MAPRE2: variants seen among roughly 807,000 people sequenced by gnomAD.
The protein encoded by MAPRE2 is microtubule associated protein RP/EB family member 2.
MAPRE2 carries 13 observed loss-of-function variants against 43.2 expected under a neutral mutation model. The ratio of observed to expected loss-of-function variants is 0.30; its 90% confidence interval spans 0.20 to 0.48. MAPRE2 has a LOEUF of 0.48. Ranked by LOEUF, MAPRE2 falls within the 20% of genes least tolerant of loss-of-function variation. The pLI, the probability that MAPRE2 is intolerant of heterozygous loss-of-function variation, is 0.99. For synonymous variants in MAPRE2, 135 were observed against 148.8 expected (o/e 0.91, Z 0.68); for missense variants, 161 against 400.2 (o/e 0.40, Z 5.10).
chr18:34,990,982 T>TG (rs1268698869), intron 1 of MAPRE2, among the ~76,000 whole-genome samples: 2 of 152,154 alleles, frequency 1.3e-5, no homozygotes, highest in African/African-American at 2.4e-5. Context: ...GATAATCTGA[T>TG]GGGGGGAGGA....
chr18:34,996,379 G>T (rs544465134), intron 1 of MAPRE2, among the ~76,000 whole-genome samples: 2 of 152,104 alleles, frequency 1.3e-5, no homozygotes, highest in Non-Finnish European at 2.9e-5. Context: ...TCATGTGCAC[G>T]GTTCACAATA....
intron 1 of MAPRE2, among the ~76,000 whole-genome samples, chr18:35,061,829 A>G (rs1199808851): frequency 6.6e-6 from 1 of 152,124 alleles, no homozygotes; most frequent in Non-Finnish European, 1.5e-5. Flanking sequence ...CCCTCCTCAA[A>G]CAAATACTTT....
chr18:35,085,170 T>C (rs1907814978), intron 2 of MAPRE2, among the ~76,000 whole-genome samples: 1 of 152,238 alleles, frequency 6.6e-6, no homozygotes, highest in African/African-American at 2.4e-5. Context: ...TGTATTTCTG[T>C]AGGTAGAGAG....
At chr18:35,027,941 T>TA (rs2097046117) in intron 2 of MAPRE2, among the ~76,000 whole-genome samples, 1 of 152,198 alleles carries the variant, frequency 6.6e-6, no homozygotes, top group Non-Finnish European at 1.5e-5. Context: ...TGTCCCACCC[T>TA]CTGGGCCTCT....
chr18:35,109,673 A>G (rs1327706922), intron 4 of MAPRE2, among the ~76,000 whole-genome samples: 1 of 152,098 alleles, frequency 6.6e-6, no homozygotes, highest in Non-Finnish European at 1.5e-5. Flanking sequence ...GTTGCATGGC[A>G]TCATCTTTCT....
At chr18:35,062,413 A>T (rs990708061) in intron 1 of MAPRE2, among the ~76,000 whole-genome samples, 8 of 152,268 alleles carry the variant, frequency 5.3e-5, no homozygotes, top group African/African-American at 1.9e-4. Context: ...AATGTTTACA[A>T]AACGGCTATT....
At chr18:35,048,740 A>G (rs1905781561) in intron 1 of MAPRE2, among the ~76,000 whole-genome samples, 1 of 149,628 alleles carries the variant, frequency 6.7e-6, no homozygotes, top group Non-Finnish European at 1.5e-5. Context: ...TGTTAATACT[A>G]TAACACAATG....
chr18:35,001,224 T>C (rs1341093611), intron 1 of MAPRE2, among the ~76,000 whole-genome samples: 1 of 152,106 alleles, frequency 6.6e-6, no homozygotes, highest in Admixed American at 6.6e-5. Flanking sequence ...AAATACAGGA[T>C]ATATCAGCTG....
intron 1 of MAPRE2, among the ~76,000 whole-genome samples, chr18:34,982,489 T>C (rs998543418): frequency 6.6e-6 from 1 of 152,292 alleles, no homozygotes. Flanking sequence ...CAACTCTACA[T>C]AATTCACCCG....
At chr18:34,979,717 T>C in intron 1 of MAPRE2, among the ~76,000 whole-genome samples, 1 of 152,212 alleles carries the variant, frequency 6.6e-6, no homozygotes, top group East Asian at 1.9e-4. Context: ...AGGAGTGAAT[T>C]AAATGATCTA....
intron 2 of MAPRE2, among the ~76,000 whole-genome samples, chr18:35,021,964 A>C (rs137976095): frequency 2.0e-5 from 3 of 152,296 alleles, no homozygotes; most frequent in African/African-American, 7.2e-5. Context: ...GAGTGATTAC[A>C]TACAGAAGAG....
At chr18:35,101,521 C>T (rs1263643872) in intron 3 of MAPRE2, among the ~76,000 whole-genome samples, 1 of 151,966 alleles carries the variant, frequency 6.6e-6, no homozygotes, top group African/African-American at 2.4e-5. Flanking sequence ...TTTTTTGTAC[C>T]CAATCACCAT....
chr18:35,079,850 G>A (rs887490942), intron 2 of MAPRE2, among the ~76,000 whole-genome samples: 2 of 152,212 alleles, frequency 1.3e-5, no homozygotes. Flanking sequence ...AAAAGAGGAC[G>A]AAAGGACATT....
intron 6 of MAPRE2, among the ~76,000 whole-genome samples, chr18:35,139,610 C>A (rs1334779915): frequency 6.6e-6 from 1 of 152,134 alleles, no homozygotes; most frequent in East Asian, 1.9e-4. Context: ...AGTAGATGTC[C>A]CAAAGTCCTT....
At chr18:35,019,796 G>A (rs761323079) in intron 2 of MAPRE2, among the ~76,000 whole-genome samples, 5 of 152,016 alleles carry the variant, frequency 3.3e-5, no homozygotes, top group Non-Finnish European at 7.4e-5. Flanking sequence ...TCATACCTAT[G>A]TGTCCCCATA....
chr18:35,075,748 AG>A (rs1373619141), intron 2 of MAPRE2, among the ~76,000 whole-genome samples: 1 of 152,072 alleles, frequency 6.6e-6, no homozygotes, highest in African/African-American at 2.4e-5. Context: ...TTGGAGAAGA[AG>A]GGGACAAAAA....
At chr18:34,994,428 A>G (rs1225767937) in intron 1 of MAPRE2, among the ~76,000 whole-genome samples, 1 of 151,596 alleles carries the variant, frequency 6.6e-6, no homozygotes, top group African/African-American at 2.4e-5. Flanking sequence ...TAGGCTGCCA[A>G]CCTTAGAGAA....
chr18:35,048,954 T>C (rs1178704150), intron 1 of MAPRE2, among the ~76,000 whole-genome samples: 1 of 152,168 alleles, frequency 6.6e-6, no homozygotes, highest in African/African-American at 2.4e-5. Context: ...CCAATGTTTG[T>C]TGTTGCGTAT....
chr18:35,051,505 C>T (rs1905933552), intron 1 of MAPRE2, among the ~76,000 whole-genome samples: 1 of 152,306 alleles, frequency 6.6e-6, no homozygotes, highest in Non-Finnish European at 1.5e-5. Flanking sequence ...TATTTCCAGC[C>T]TGTATGATAA....
Sources: gnomAD v4.1 joint callset for allele counts (sites outside exome capture counted in the v4.1 genomes callset) on GRCh38, gnomAD v4.1.1 for gene constraint, MANE v1.5 for transcripts, NCBI Gene and HGNC (gene_info 2026-07-23, HGNC 2026-07-21) for gene names.